Variants in MED22 observed in about 807,000 individuals in gnomAD.
MED22 encodes mediator complex subunit 22.
MED22 carries 22 observed loss-of-function variants against 22.7 expected under a neutral mutation model. The observed-to-expected ratio is 0.97, with a 90% confidence interval of 0.69 to 1.38. The LOEUF (loss-of-function observed/expected upper bound fraction) is 1.38. MED22 is among the 40% of genes most tolerant of loss of function. MED22 has a pLI of 0.00. For missense variants in MED22, 247 were observed against 263.0 expected (o/e 0.94, Z 0.42); for synonymous variants, 134 against 119.4 (o/e 1.12, Z -0.80).
intron 4 of MED22, chr9:133,343,259 T>C (rs1836067377): frequency 1.6e-6 from 2 of 1,215,362 alleles, no homozygotes; most frequent in Non-Finnish European, 2.0e-6. Flanking sequence ...AAGGAAAGGT[T>C]TGTCCAGGAG....
intron 3 of MED22, among the ~76,000 whole-genome samples, chr9:133,344,614 A>G (rs1405606378): frequency 6.6e-6 from 1 of 152,314 alleles, no homozygotes; most frequent in South Asian, 2.1e-4. Flanking sequence ...CATTCTGCTC[A>G]TGAAAAACTC....
rs1835963955 is a variant in MED22 at position 133,339,729 on chromosome 9, A to C, written c.*1776T>G. ...ATGGACTGAGAATGGGCCGGGGCTT[A>C]GCAATGTGGAGGCCACTGGTGACCT... is the stretch of plus-strand genomic sequence containing the variant. On this transcript the variant is annotated 3_prime_UTR_variant, in exon 5 of 5. Coordinates refer to ENST00000343730, the MANE Select transcript of MED22 (RefSeq NM_133640.5). 1 of 250,694 alleles carries C rather than the reference A, an allele frequency of 4.0e-6. No homozygotes were observed. Among genetic ancestry groups the C allele is most frequent in the Non-Finnish European group, 7.8e-6 (1 of 128,948 alleles). 15.5% of individuals were successfully genotyped at this position (250,694 alleles called of 1,614,324 possible).
Position 133,339,067 on chromosome 9 carries a change from T to C in MED22, c.*2438A>G. ...CTTTCAGAAAACATGCAGTTGTTCC[T>C]TTGGCCAAGTATATGCAAATTGATG... On this transcript the variant is annotated 3_prime_UTR_variant, in exon 5 of 5. Coordinates refer to ENST00000343730, the MANE Select transcript of MED22 (RefSeq NM_133640.5). 1 of 692,874 alleles carries C rather than the reference T, an allele frequency of 1.4e-6. No individual in the cohort carries two copies. Among genetic ancestry groups the C allele is most frequent in the Non-Finnish European group, 2.7e-6 (1 of 374,412 alleles). The allele number at this position is 692,874 out of a possible 1,614,324, so 42.9% of individuals were successfully genotyped here. A position where few individuals can be genotyped will look rare whatever the true frequency, so the allele number is the denominator to read the frequency against.
At chr9:133,341,868 A>G in intron 4 of MED22, 174 bp from the exon 5 acceptor site, 1 of 1,386,312 alleles carries the variant, frequency 7.2e-7, no homozygotes, top group Non-Finnish European at 9.3e-7. Flanking sequence ...CCTGGCAAGG[A>G]GAGGCGGCCA....
rs2129945479 is a variant in MED22 at position 133,340,599 on chromosome 9, C to T, written c.*906G>A. 13 of 152,282 alleles carry T rather than the reference C, an allele frequency of 8.5e-5. No homozygotes were observed. Among genetic ancestry groups the T allele is most frequent in the African/African-American group, 2.9e-4 (12 of 41,460 alleles). The allele number at this position is 152,282 out of a possible 1,614,324, so 9.4% of individuals were successfully genotyped here. On this transcript the variant is annotated 3_prime_UTR_variant, in exon 5 of 5. Coordinates refer to ENST00000343730, the MANE Select transcript of MED22 (RefSeq NM_133640.5). ...TGATTCCTGCCACTTCACTTCCTAG[C>T]TCTGTGGCCGTGGTACACCTCACCC...
intron 3 of MED22, among the ~76,000 whole-genome samples, chr9:133,344,807 CT>C (rs1564340526): frequency 6.6e-6 from 1 of 152,160 alleles, no homozygotes; most frequent in African/African-American, 2.4e-5. Flanking sequence ...CCAATGGCGC[CT>C]ACAGTTCCAT....
At position 133,339,190 on chromosome 9, in the gene MED22, T is replaced by TC. The variant is rs1370750085; in HGVS notation, c.*2314dup. On this transcript the variant is annotated 3_prime_UTR_variant, in exon 5 of 5. Coordinates refer to ENST00000343730, the MANE Select transcript of MED22 (RefSeq NM_133640.5). ...GCTAGACTGGGAGAGTCTACAGTGT[T>TC]CCCCAGCATGCTGTTGGCACTGTTG... The TC allele has an allele frequency of 6.5e-5, 45 of 692,520 alleles. No individual in the cohort carries two copies. The highest frequency in any genetic ancestry group is 5.0e-4 in the Middle Eastern group (2 of 3,998). The allele number at this position is 692,520 out of a possible 1,614,324, so 42.9% of individuals were successfully genotyped here. A position where few individuals can be genotyped will look rare whatever the true frequency, so the allele number is the denominator to read the frequency against.
At position 133,343,323 on chromosome 9, in the gene MED22, T is replaced by C. The variant is rs2129956344; in HGVS notation, c.413+802A>G. ...TCTGCTGGACTGAATCTTGATTTTCTAAGCTAATGGGGCAGAGTGGAAGGC... is the reference window on the plus strand; with the variant it reads ...TCTGCTGGACTGAATCTTGATTTTCCAAGCTAATGGGGCAGAGTGGAAGGC... On this transcript the variant is annotated intron_variant, in intron 4 of 4. Transcript: ENST00000343730. The C allele has an allele frequency of 2.2e-5, 27 of 1,229,858 alleles. No homozygotes were observed. The East Asian group carries it at 8.5e-4, about 39-fold the overall frequency. The allele number at this position is 1,229,858 out of a possible 1,614,324, so 76.2% of individuals were successfully genotyped here.
chr9:133,346,718 CCT>C lies in MED22; in HGVS notation c.-38-20_-38-19del. The C allele has an allele frequency of 1.3e-6, 2 of 1,589,308 alleles. No individual in the cohort carries two copies. On this transcript the variant is annotated intron_variant, in intron 1 of 4. Transcript: ENST00000343730. The stretch of plus-strand genomic sequence containing the variant: ...CCTGGGACCTAGAGTGCAGCACAGA[CCT>C]CTGAGTGCAGGCAGAGTCTACCCCA...
intron 4 of MED22, chr9:133,343,888 C>T (rs1836090213): frequency 4.2e-6 from 6 of 1,423,918 alleles, no homozygotes; most frequent in Admixed American, 5.7e-5. Context: ...ATCCGACTGG[C>T]GTGAGTCCTG....
chr9:133,346,620 G>T lies in MED22; in HGVS notation c.43C>A (p.Leu15Met). ...TTCAGCCGCTTGTTGTAGGACTGCA[G>T]CAGCGTCTCCTTGCTCTGGGGCAGG... ...RALPQSKETL[L>M]QSYNKRLKDD... Residue 15 changes from leucine (L) to methionine (M), a missense_variant, in exon 2 of 5, where the codon CTG becomes ATG. Coordinates refer to ENST00000343730, the MANE Select transcript of MED22 (RefSeq NM_133640.5). The T allele has an allele frequency of 6.2e-7, 1 of 1,612,838 alleles. No individual in the cohort carries two copies. The highest frequency in any genetic ancestry group is 8.5e-7 in the Non-Finnish European group (1 of 1,180,014).
At chr9:133,341,801 C>G (rs974419022) in intron 4 of MED22, 107 bp from the exon 5 acceptor site, 6 of 1,486,446 alleles carry the variant, frequency 4.0e-6, no homozygotes, top group Non-Finnish European at 4.4e-6. Context: ...CGACCACACC[C>G]CAGACCTGCC....
intron 4 of MED22, chr9:133,343,296 C>T: frequency 8.2e-7 from 1 of 1,226,916 alleles, no homozygotes; most frequent in Non-Finnish European, 1.0e-6. Context: ...ATGGACTCTG[C>T]ATCTGCTGGA....
chr9:133,342,798 G>A (rs1836050485), intron 4 of MED22: 1 of 985,722 alleles, frequency 1.0e-6, no homozygotes, highest in Non-Finnish European at 1.2e-6. Context: ...GGCATGGGAA[G>A]CCTGGCACAG....
Position 133,339,258 on chromosome 9 carries a change from C to A in MED22, c.*2247G>T. ...GATTCTTGCCAAGAGAATGAATGTG[C>A]ATATTCAGCACACTAAGCACTCTAA... is the stretch of plus-strand genomic sequence containing the variant. On this transcript the variant is annotated 3_prime_UTR_variant, in exon 5 of 5. Coordinates refer to ENST00000343730, the MANE Select transcript of MED22 (RefSeq NM_133640.5). 1.5e-6 allele frequency: 1 copy of A among 673,958 alleles called. No individual in the cohort carries two copies. Among genetic ancestry groups the A allele is most frequent in the East Asian group, 2.8e-5 (1 of 35,604 alleles). The allele number at this position is 673,958 out of a possible 1,614,324, so 41.7% of individuals were successfully genotyped here. A position where few individuals can be genotyped will look rare whatever the true frequency, so the allele number is the denominator to read the frequency against.
chr9:133,346,575 T>C lies in MED22; in HGVS notation c.88A>G (p.Met30Val), dbSNP rs974456904. 1 of 1,612,914 alleles carries C rather than the reference T, an allele frequency of 6.2e-7. No homozygotes were observed. The highest frequency in any genetic ancestry group is 8.5e-7 in the Non-Finnish European group (1 of 1,179,958). ...TTGATGATCTCGGTGAAGTTGTCCA[T>C]GATGGACTTAATGTCGTCCTTCAGC... ...KRLKDDIKSI[M>V]DNFTEIIKTA... The change falls in exon 2 of 5, where the codon ATG becomes GTG. Residue 30 changes from methionine (M) to valine (V), a missense_variant. Met to Val is a conservative substitution (Grantham distance 21, BLOSUM62 1). Coordinates refer to ENST00000343730, the MANE Select transcript of MED22 (RefSeq NM_133640.5).
At chr9:133,341,811 C>G in intron 4 of MED22, 117 bp from the exon 5 acceptor site, 1 of 1,461,260 alleles carries the variant, frequency 6.8e-7, no homozygotes, top group Non-Finnish European at 9.0e-7. Context: ...CCAGACCTGC[C>G]TTTCCCTTTC....
At position 133,347,935 on chromosome 9, in the gene MED22, C is replaced by T; in HGVS notation, c.-52G>A. ...ACACCCTCATACCCGCCCCAGCGCC[C>T]GCACACCAGACGCCGCGTCCGCCGG... On this transcript the variant is annotated 5_prime_UTR_variant, in exon 1 of 5. Coordinates refer to ENST00000343730, the MANE Select transcript of MED22 (RefSeq NM_133640.5). 2 of 289,522 alleles carry T rather than the reference C, an allele frequency of 6.9e-6. No homozygotes were observed. The highest frequency in any genetic ancestry group is 1.3e-5 in the Non-Finnish European group (2 of 150,774). The allele number at this position is 289,522 out of a possible 1,614,324, so 17.9% of individuals were successfully genotyped here.
chr9:133,341,576 C>G lies in MED22; in HGVS notation c.532G>C (p.Ala178Pro), dbSNP rs2129949200. Residue 178 changes from alanine to proline, a missense_variant, in exon 5 of 5, where the codon GCT (alanine) becomes CCT (proline). Ala to Pro is a conservative substitution (Grantham distance 27, BLOSUM62 -1). Transcript: ENST00000343730. ...APLLASPEPS[A>P]GPLQVAAPAH... is the part of the protein sequence containing the mutation. ...GGGGCTGCCACCTGTAGGGGGCCAG[C>G]ACTGGGCTCCGGGGACGCCAGCAGA... 1 of 1,578,608 alleles carries G rather than the reference C, an allele frequency of 6.3e-7. No individual in the cohort carries two copies. Among genetic ancestry groups the G allele is most frequent in the African/African-American group, 1.4e-5 (1 of 72,456 alleles).
Sources: allele counts gnomAD v4.1 joint callset (sites outside exome capture counted in the v4.1 genomes callset), GRCh38; gene constraint gnomAD v4.1.1; transcripts MANE v1.5; gene names NCBI Gene and HGNC (gene_info 2026-07-23, HGNC 2026-07-21).